Variants in UBXN11 observed in about 807,000 individuals in gnomAD.
The protein encoded by UBXN11 is UBX domain-containing protein 11.
UBXN11 carries 47 observed loss-of-function variants against 62.8 expected under a neutral mutation model. The observed-to-expected ratio is 0.75, with a 90% CI of 0.59 to 0.95. The LOEUF is 0.95. UBXN11 is among the 40% of genes least tolerant of loss of function. The pLI, the probability that UBXN11 is intolerant of heterozygous loss-of-function variation, is 0.00. For missense variants in UBXN11, 638 were observed against 661.7 expected, an observed-to-expected ratio of 0.96 and a Z score of 0.39; for synonymous variants, 294 against 267.0, an observed-to-expected ratio of 1.10 and a Z score of -0.99.
At chr1:26,301,566 A>C (rs888262045) in intron 3 of UBXN11, 128 bp downstream of exon 3, 87 of 1,347,876 alleles carry the variant, frequency 6.5e-5, no homozygotes, top group Admixed American at 2.2e-5. Flanking sequence ...GGAGCTGCAC[A>C]GAACACGGTG....
chr1:26,282,597 T>C, intron 14 of UBXN11, 28 bp from the exon 15 acceptor site: 1 of 1,612,020 alleles, frequency 6.2e-7, no homozygotes, highest in Non-Finnish European at 8.5e-7. Context: ...CAGATCAGGC[T>C]GGGCAGTGGG....
At position 26,290,631 on chromosome 1, in the gene UBXN11, G is replaced by A. The variant is rs183431458; in HGVS notation, c.559+3574C>T. ...CCCAGGGGCAAGTCACGCAGGCTGC[G>A]GAGTCAGGGGGCCTCCAACCCAGAC... On this transcript the variant is annotated intron_variant, in intron 8 of 14. Transcript: ENST00000374222. Among the ~76,000 whole-genome samples, 50 of 152,280 alleles carry A rather than the reference G, an allele frequency of 3.3e-4. No homozygotes were observed. In the East Asian group the frequency reaches 7.7e-3, roughly 24 times the overall value.
intron 4 of UBXN11, among the ~76,000 whole-genome samples, chr1:26,300,576 G>C (rs991760983): frequency 2.6e-5 from 4 of 152,184 alleles, no homozygotes; most frequent in Non-Finnish European, 5.9e-5. Context: ...AGACTGTCTA[G>C]GCGACTTTGG....
At chr1:26,288,682 T>C (rs1360328037) in intron 8 of UBXN11, among the ~76,000 whole-genome samples, 2 of 152,194 alleles carry the variant, frequency 1.3e-5, no homozygotes, top group African/African-American at 4.8e-5. Context: ...ACTTCCTCTT[T>C]GAGCCACAGC....
upstream of UBXN11, among the ~76,000 whole-genome samples, chr1:26,307,463 T>G (rs1261431951): frequency 1.3e-5 from 2 of 151,220 alleles, no homozygotes; most frequent in Non-Finnish European, 3.0e-5. Flanking sequence ...TAGAGAGCAC[T>G]TTTTCAAAAA....
chr1:26,308,950 T>G, upstream of UBXN11, among the ~76,000 whole-genome samples: 1 of 149,170 alleles, frequency 6.7e-6, no homozygotes, highest in African/African-American at 2.5e-5. Context: ...TTTTTTTTTT[T>G]TTTTTTTGAG....
chr1:26,298,828 C>T (rs888927098), intron 4 of UBXN11, among the ~76,000 whole-genome samples: 1 of 145,266 alleles, frequency 6.9e-6, no homozygotes, highest in Non-Finnish European at 1.5e-5. Context: ...AGAAGAGAAA[C>T]CTACAGGAAG....
At chr1:26,317,249 A>G (rs2073805114) in intron 1 of UBXN11, among the ~76,000 whole-genome samples, 1 of 151,904 alleles carries the variant, frequency 6.6e-6, no homozygotes, top group Non-Finnish European at 1.5e-5. Flanking sequence ...AAAAACCAAC[A>G]ACAACAAAAC....
At chr1:26,285,095 T>C in intron 10 of UBXN11, 1 of 1,038,096 alleles carries the variant, frequency 9.6e-7, no homozygotes, top group Non-Finnish European at 1.2e-6. Context: ...TGCTTTGCAT[T>C]TGTGGCTCAC....
chr1:26,300,954 G>A lies in UBXN11; in HGVS notation c.171C>T (p.Gly57=), dbSNP rs774311879. The change falls in exon 4 of 15, where the codon GGC becomes GGT. Residue 57 remains glycine, a synonymous_variant. Coordinates refer to ENST00000374222, the MANE Select transcript of UBXN11 (RefSeq NM_001389556.1). ...GCCGACTCACAGGGGCACCTATGCC[G>A]CCATAGCAGGAAGGGACTGAGATCT... ...EEKISVPSCY[G]GIGAPVSRQV... 6.2e-6 allele frequency: 10 copies of A among 1,614,196 alleles called. No individual in the cohort carries two copies. Among genetic ancestry groups the A allele is most frequent in the East Asian group, 2.2e-5 (1 of 44,890 alleles).
intron 1 of UBXN11, among the ~76,000 whole-genome samples, chr1:26,316,062 C>T (rs2073790938): frequency 6.7e-6 from 1 of 149,474 alleles, no homozygotes; most frequent in Non-Finnish European, 1.5e-5. Context: ...CAGGTGCAAG[C>T]AATCCTCCTG....
chr1:26,285,037 T>C (rs2073095735), intron 10 of UBXN11: 1 of 1,005,620 alleles, frequency 9.9e-7, no homozygotes. Context: ...CACCTACCCA[T>C]GGGGCCAGCT....
chr1:26,318,039 C>A, intron 1 of UBXN11: 1 of 1,614,176 alleles, frequency 6.2e-7, no homozygotes, highest in Non-Finnish European at 8.5e-7. Flanking sequence ...CCTCTTCCTC[C>A]TACTCACCAT....
At chr1:26,297,024 G>A (rs979316768) in intron 6 of UBXN11, 29 bp from the exon 7 acceptor site, 3 of 1,579,636 alleles carry the variant, frequency 1.9e-6, no homozygotes, top group Non-Finnish European at 1.7e-6. Flanking sequence ...ACAGGCTTCA[G>A]CTGCCCCAGC....
intron 4 of UBXN11, among the ~76,000 whole-genome samples, chr1:26,300,076 C>A (rs1243097272): frequency 6.6e-6 from 1 of 152,190 alleles, no homozygotes; most frequent in African/African-American, 2.4e-5. Context: ...GCCGCAGAAC[C>A]TTAGGCCAGG....
At chr1:26,294,668 C>T (rs1230666001) in intron 7 of UBXN11, among the ~76,000 whole-genome samples, 1 of 152,204 alleles carries the variant, frequency 6.6e-6, no homozygotes, top group African/African-American at 2.4e-5. Flanking sequence ...AATCACGTGG[C>T]CTGGCCCAAG....
intron 10 of UBXN11, 120 bp from the exon 11 acceptor site, chr1:26,284,602 CAT>C: frequency 7.1e-7 from 1 of 1,413,318 alleles, no homozygotes; most frequent in Non-Finnish European, 9.3e-7. Context: ...CCCCATTTTA[CAT>C]ATGAGGAAAC....
upstream of UBXN11, among the ~76,000 whole-genome samples, chr1:26,308,806 C>G (rs2073709049): frequency 6.6e-6 from 1 of 152,156 alleles, no homozygotes; most frequent in African/African-American, 2.4e-5. Context: ...ACCCAGGCAC[C>G]AGGATTTACC....
chr1:26,294,530 C>T (rs975809219), intron 7 of UBXN11, among the ~76,000 whole-genome samples, 199 bp from the exon 8 acceptor site: 15 of 152,204 alleles, frequency 9.9e-5, no homozygotes, highest in African/African-American at 2.7e-4. Context: ...GAGCCTCAGA[C>T]GACTCCTCTA....
Sources: gnomAD v4.1 joint callset for allele counts (sites outside exome capture counted in the v4.1 genomes callset) on GRCh38, gnomAD v4.1.1 for gene constraint, MANE v1.5 for transcripts, NCBI Gene and HGNC (gene_info 2026-07-23, HGNC 2026-07-21) for gene names.